COL6A2: variants seen among roughly 807,000 people sequenced by gnomAD.
COL6A2 encodes collagen alpha-2(VI) chain.
A neutral mutation model predicts 124.9 loss-of-function variants in COL6A2; 90 were observed. The ratio of observed to expected loss-of-function variants is 0.72; its 90% CI spans 0.61 to 0.86. COL6A2 has a LOEUF of 0.86. Ranked by LOEUF, COL6A2 falls within the 40% of genes least tolerant of loss-of-function variation. The pLI is 0.00. For missense variants in COL6A2, 1,607 were observed against 1,502.5 expected, an observed-to-expected ratio of 1.07 and a Z score of -1.15; for synonymous variants, 793 against 618.2, an observed-to-expected ratio of 1.28 and a Z score of -4.19.
chr21:46,124,563 C>T (rs1416151912), intron 21 of COL6A2, 88 bp from the exon 22 acceptor site: 11 of 1,266,000 alleles, frequency 8.7e-6, no homozygotes, highest in South Asian at 7.3e-5. Flanking sequence ...AGGGAGGACC[C>T]GTGGTTGGGG....
chr21:46,121,455 A>T, intron 17 of COL6A2, 101 bp from the exon 18 acceptor site: 4 of 1,143,614 alleles, frequency 3.5e-6, no homozygotes, highest in Non-Finnish European at 5.2e-6. Flanking sequence ...AGCTGCGGCC[A>T]TGTGGCCTGG....
rs773282809 is a variant in COL6A2 at position 46,126,244 on chromosome 21, G to A, written c.2422+7G>A. 45 of 1,598,060 alleles carry A rather than the reference G, an allele frequency of 2.8e-5. No individual in the cohort carries two copies. Among genetic ancestry groups the A allele is most frequent in the South Asian group, 8.8e-5 (8 of 91,064 alleles). On this transcript the variant is annotated splice_region_variant and intron_variant, in intron 26 of 27. Transcript: ENST00000300527. Reference sequence around the variant, plus strand: ...GAGGACGTCCTCTGCCCGGGTGAGCGTGTGGGCGCGGGGCAGTCGGCCGAG... The same window carrying A: ...GAGGACGTCCTCTGCCCGGGTGAGCATGTGGGCGCGGGGCAGTCGGCCGAG...
Position 46,116,789 on chromosome 21 carries a change from G to T in COL6A2, c.974G>T (p.Gly325Val). The change falls in exon 10 of 28, where the codon GGC (glycine) becomes GTC (valine). Residue 325 changes from glycine to valine, a missense_variant. Around this residue, in one of 3 missense-constraint regions of COL6A2, gnomAD observed 1,223 missense variants for 1,052.2 expected, o/e 1.16. Transcript: ENST00000300527. This position sits in a 1 kb window ranked among gnomAD's most constrained non-coding sequence, Gnocchi z 4.6. ...CTTCAGGGGGCCCCTGGCCTGGCTG[G>T]CAAGAACGGGACCGATGGACAGAAG... is the stretch of plus-strand genomic sequence containing the variant. ...DGRKGAPGLA[G>V]KNGTDGQKGK... The T allele has an allele frequency of 6.2e-7, 1 of 1,613,008 alleles. No individual in the cohort carries two copies. Among genetic ancestry groups the T allele is most frequent in the Non-Finnish European group, 8.5e-7 (1 of 1,180,004 alleles).
chr21:46,129,788 G>A, intron 27 of COL6A2: 1 of 1,272,416 alleles, frequency 7.9e-7, no homozygotes, highest in Non-Finnish European at 9.9e-7. Flanking sequence ...GACCTCGCAA[G>A]ACCCTTAACT....
chr21:46,120,576 A>C lies in COL6A2; in HGVS notation c.1394A>C (p.Lys465Thr). 6.8e-7 allele frequency: 1 copy of C among 1,463,192 alleles called. No individual in the cohort carries two copies. Among genetic ancestry groups the C allele is most frequent in the South Asian group, 1.4e-5 (1 of 70,116 alleles). The allele number at this position is 1,463,192 out of a possible 1,614,324, so 90.6% of individuals were successfully genotyped here. Residue 465 changes from lysine (K) to threonine (T), a missense_variant and splice_region_variant, in exon 16 of 28, where the codon AAG becomes ACG. By Grantham distance (78) the Lys-to-Thr change is moderately conservative. This residue lies in a region of COL6A2 where 1,223 missense variants were observed against 1,052.2 expected (regional missense o/e 1.16). Coordinates refer to ENST00000300527, the MANE Select transcript of COL6A2 (RefSeq NM_001849.4). ...GGAGAGGTTGGCAACAAAGGAGCCA[A>C]GGTAGGGGAGCAGGGTGGGCCGCAC... ...LAGEVGNKGAKGDRGLPGPRG... is the reference protein window; with the variant it reads ...LAGEVGNKGATGDRGLPGPRG...
chr21:46,126,643 G>A (rs967977941), intron 27 of COL6A2, 102 bp downstream of exon 27: 38 of 1,400,878 alleles, frequency 2.7e-5, no homozygotes, highest in South Asian at 1.2e-4. Flanking sequence ...GCAGGGACCC[G>A]GGGGGCGGCG....
In COL6A2 at chr21:46,126,004, T is replaced by A. The variant is rs1555875759; in HGVS notation, c.2189T>A (p.Ile730Asn). The A allele has an allele frequency of 2.5e-6, 4 of 1,612,858 alleles. No homozygotes were observed. The highest frequency in any genetic ancestry group is 3.4e-6 in the Non-Finnish European group (4 of 1,179,816). ...AAGACACGTGTGTTTGCGGTGGTCATCACGGACGGGCGCCACGACCCTCGG... is the reference window on the plus strand; with the variant it reads ...AAGACACGTGTGTTTGCGGTGGTCAACACGGACGGGCGCCACGACCCTCGG... ...RQKTRVFAVV[I>N]TDGRHDPRDD... The change falls in exon 26 of 28, where the codon ATC (isoleucine) becomes AAC (asparagine). Residue 730 changes from isoleucine (I) to asparagine (N), a missense_variant. Physicochemically the swap from Ile to Asn is moderately radical, Grantham distance 149. This residue lies in a region of COL6A2 where 1,223 missense variants were observed against 1,052.2 expected (regional missense o/e 1.16). Transcript: ENST00000300527.
chr21:46,102,026 C>T (rs1313864040), intron 1 of COL6A2, among the ~76,000 whole-genome samples: 1 of 150,818 alleles, frequency 6.6e-6, no homozygotes, highest in Non-Finnish European at 1.5e-5. Flanking sequence ...AGTAAGTCTT[C>T]CAATCTATGA....
In COL6A2 at chr21:46,125,800, T is replaced by C. The variant is rs758146325; in HGVS notation, c.1985T>C (p.Val662Ala). 6.2e-7 allele frequency: 1 copy of C among 1,610,938 alleles called. No individual in the cohort carries two copies. Among genetic ancestry groups the C allele is most frequent in the Non-Finnish European group, 8.5e-7 (1 of 1,178,738 alleles). ...PKSETGTRVG[V>A]VQYSHEGTFE... ...CGGCTTGCAGGGACGCGTGTGGGCG[T>C]GGTGCAGTACAGCCACGAGGGCACC... Residue 662 changes from valine (V) to alanine (A), a missense_variant, in exon 26 of 28, where the codon GTG becomes GCG. Val to Ala is a moderately conservative substitution (Grantham distance 64, BLOSUM62 0). Around this residue, in one of 3 missense-constraint regions of COL6A2, gnomAD observed 1,223 missense variants for 1,052.2 expected, o/e 1.16. Coordinates refer to ENST00000300527, the MANE Select transcript of COL6A2 (RefSeq NM_001849.4).
At chr21:46,130,948 G>A (rs2123451966) in intron 27 of COL6A2, among the ~76,000 whole-genome samples, 1 of 152,360 alleles carries the variant, frequency 6.6e-6, no homozygotes. Context: ...TGCAGCGTGA[G>A]GTCACCCTGC....
At position 46,120,511 on chromosome 21, in the gene COL6A2, A is replaced by C; in HGVS notation, c.1333-4A>C. ...CCCGTGGGGCCTCCCTTCCCTTCCC[A>C]CAGGGGGACCCTGGCCCTGAGGGGC... On this transcript the variant is annotated splice_polypyrimidine_tract_variant and splice_region_variant and intron_variant, in intron 15 of 27. Transcript: ENST00000300527. The C allele has an allele frequency of 6.6e-7, 1 of 1,511,360 alleles. No homozygotes were observed. The highest frequency in any genetic ancestry group is 8.8e-7 in the Non-Finnish European group (1 of 1,132,020). The allele number at this position is 1,511,360 out of a possible 1,614,324, so 93.6% of individuals were successfully genotyped here. A position where few individuals can be genotyped will look rare whatever the true frequency, so the allele number is the denominator to read the frequency against.
At chr21:46,124,559 G>A (rs2078629718) in intron 21 of COL6A2, 92 bp from the exon 22 acceptor site, 2 of 1,180,250 alleles carry the variant, frequency 1.7e-6, no homozygotes, top group Non-Finnish European at 2.5e-6. Context: ...GCCAAGGGAG[G>A]ACCCGTGGTT....
In COL6A2 at chr21:46,098,172, A is replaced by AG. The variant is rs2078245838; in HGVS notation, c.-28+1dup. On this transcript the variant is annotated splice_region_variant and 5_prime_UTR_variant, in exon 1 of 28. Transcript: ENST00000300527. ...TCGGGAGCGGAGCCTCCTCGGGACC[A>AG]GGTGAGCGCCTCCCGGACCCCGCAC... 1 of 152,014 alleles carries AG rather than the reference A, an allele frequency of 6.6e-6. No homozygotes were observed. The highest frequency in any genetic ancestry group is 1.5e-5 in the Non-Finnish European group (1 of 68,038). 9.4% of individuals were successfully genotyped at this position (152,014 alleles called of 1,614,324 possible). A position where few individuals can be genotyped will look rare whatever the true frequency, so the allele number is the denominator to read the frequency against.
At chr21:46,106,856 A>G (rs1204602103) in intron 1 of COL6A2, among the ~76,000 whole-genome samples, 4 of 152,140 alleles carry the variant, frequency 2.6e-5, no homozygotes, top group Admixed American at 2.0e-4. Context: ...TATTTTGCTC[A>G]ACTCTTCTTG....
chr21:46,119,166 C>A, intron 14 of COL6A2, 47 bp downstream of exon 14: 1 of 1,449,182 alleles, frequency 6.9e-7, no homozygotes, highest in East Asian at 2.3e-5. Context: ...TGGGCATCCT[C>A]CTTGCAGCTT....
intron 1 of COL6A2, among the ~76,000 whole-genome samples, chr21:46,098,534 C>T (rs1246930764): frequency 1.3e-5 from 2 of 151,670 alleles, no homozygotes; most frequent in African/African-American, 4.8e-5. Flanking sequence ...CACGCCCCGC[C>T]AGGCCCCGCG....
In COL6A2 at chr21:46,132,118, C is replaced by G. The variant is rs387906608; in HGVS notation, c.2626C>G (p.Arg876Gly). The G allele has an allele frequency of 6.3e-7, 1 of 1,583,324 alleles. No individual in the cohort carries two copies. Among genetic ancestry groups the G allele is most frequent in the Admixed American group, 1.8e-5 (1 of 55,580 alleles). ...ARRDDDPLNA[R>G]VALLQFGGPG... is the part of the protein sequence containing the mutation. ...GAGGGACGACGACCCTCTCAACGCACGCGTGGCGCTGCTGCAGTTTGGTGG... is the reference window on the plus strand; with the variant it reads ...GAGGGACGACGACCCTCTCAACGCAGGCGTGGCGCTGCTGCAGTTTGGTGG... The change falls in exon 28 of 28, where the codon CGC becomes GGC. Residue 876 changes from arginine (R) to glycine (G), a missense_variant. Transcript: ENST00000300527.
In COL6A2 at chr21:46,125,627, G is replaced by T. The variant is rs201259184; in HGVS notation, c.1969+10G>T. ...CCCAAGTCCGAGACAGGTCAGCGGG[G>T]CAGGGGCGGGTGCAGCATTGCGGGG... On this transcript the variant is annotated intron_variant, in intron 25 of 27. Transcript: ENST00000300527. 1 of 1,612,042 alleles carries T rather than the reference G, an allele frequency of 6.2e-7. No individual in the cohort carries two copies.
chr21:46,123,043 GC>G (rs1054319582), intron 21 of COL6A2, 106 bp downstream of exon 21: 2 of 1,170,080 alleles, frequency 1.7e-6, no homozygotes, highest in Admixed American at 1.8e-5. Flanking sequence ...AGGCAGCTTG[GC>G]CCCAGCCATG....
Sources: gnomAD v4.1 joint callset for allele counts (sites outside exome capture counted in the v4.1 genomes callset) on GRCh38, gnomAD v4.1.1 for gene constraint, gnomAD v4.1.1 regional missense constraint, Gnocchi (gnomAD v3.1) non-coding constraint, MANE v1.5 for transcripts, NCBI Gene and HGNC (gene_info 2026-07-23, HGNC 2026-07-21) for gene names.